Variants in BSN observed in about 807,000 individuals in gnomAD.
BSN encodes protein bassoon.
BSN carries 57 observed loss-of-function variants against 264.8 expected under a neutral mutation model. That is an observed-to-expected ratio of 0.22 (90% CI 0.17 to 0.27). The LOEUF is 0.27. Among genes scored for constraint, BSN ranks in the 10% least tolerant of loss-of-function variants. BSN has a pLI of 1.00. For synonymous variants in BSN, 2,059 were observed against 2,137.3 expected, an observed-to-expected ratio of 0.96 and a Z score of 1.01; for missense variants, 4,615 against 5,232.5, an observed-to-expected ratio of 0.88 and a Z score of 3.64.
At chr3:49,597,222 T>G (rs140546111) in intron 1 of BSN, among the ~76,000 whole-genome samples, 3 of 152,324 alleles carry the variant, frequency 2.0e-5, no homozygotes, top group African/African-American at 7.2e-5. Context: ...CTCTCTGTTC[T>G]TCAGATTGCC....
chr3:49,660,511 T>G lies in BSN; in HGVS notation c.8666T>G (p.Leu2889Arg). ...GTGTCGGCGTTGCCACCCAACAGCC[T>G]GGTCCGCAAGGTGAAGCGGACACTG... is the stretch of plus-strand genomic sequence containing the variant. ...SQVSALPPNS[L>R]VRKVKRTLPS... Residue 2889 changes from leucine (L) to arginine (R), a missense_variant, in exon 6 of 12, where the codon CTG becomes CGG. Physicochemically the swap from Leu to Arg is moderately radical, Grantham distance 102. Coordinates refer to ENST00000296452, the MANE Select transcript of BSN (RefSeq NM_003458.4). This position sits in a 1 kb window ranked among gnomAD's most constrained non-coding sequence, Gnocchi z 7.1. 5 of 1,539,034 alleles carry G rather than the reference T, an allele frequency of 3.2e-6. No individual in the cohort carries two copies. The highest frequency in any genetic ancestry group is 2.6e-6 in the Non-Finnish European group (3 of 1,142,974).
chr3:49,612,437 A>G (rs563630255), intron 1 of BSN, among the ~76,000 whole-genome samples: 1 of 152,320 alleles, frequency 6.6e-6, no homozygotes, highest in Admixed American at 6.5e-5. Flanking sequence ...GCCTGGCCAA[A>G]TAATGATTTT....
In BSN at chr3:49,651,153, T is replaced by C; in HGVS notation, c.1986+74T>C. The stretch of plus-strand genomic sequence containing the variant: ...CTATGGAAAGGCTTGCCTCCCTGGG[T>C]GGCTGAGGCTGTAGGCTCAGGACAG... On this transcript the variant is annotated intron_variant, in intron 4 of 11. Coordinates refer to ENST00000296452, the MANE Select transcript of BSN (RefSeq NM_003458.4). The surrounding 1 kb of genome is among the most constrained non-coding windows in gnomAD (Gnocchi z 5.4). 3 of 1,439,698 alleles carry C rather than the reference T, an allele frequency of 2.1e-6. No individual in the cohort carries two copies. In the South Asian group the frequency reaches 3.9e-5, roughly 19 times the overall value. 89.2% of individuals were successfully genotyped at this position (1,439,698 alleles called of 1,614,324 possible). A position where few individuals can be genotyped will look rare whatever the true frequency, so the allele number is the denominator to read the frequency against.
At chr3:49,612,387 G>A (rs1016273190) in intron 1 of BSN, among the ~76,000 whole-genome samples, 7 of 152,052 alleles carry the variant, frequency 4.6e-5, no homozygotes, top group South Asian at 2.1e-4. Flanking sequence ...TGCCTGCCTC[G>A]GCCTCCCAAA....
At chr3:49,590,878 G>C (rs895188949) in intron 1 of BSN, among the ~76,000 whole-genome samples, 1 of 151,964 alleles carries the variant, frequency 6.6e-6, no homozygotes, top group Non-Finnish European at 1.5e-5. Flanking sequence ...GGCCGAGGTG[G>C]GTGGGTCACT....
chr3:49,637,869 G>T (rs1442295381), intron 2 of BSN, among the ~76,000 whole-genome samples: 1 of 152,232 alleles, frequency 6.6e-6, no homozygotes, highest in Non-Finnish European at 1.5e-5. Flanking sequence ...CTGGGTCGGG[G>T]TGCACGGGCT....
rs2052642677 is a variant in BSN at position 49,660,273 on chromosome 3, G to A, written c.8641-213G>A. On this transcript the variant is annotated intron_variant, in intron 5 of 11. Coordinates refer to ENST00000296452, the MANE Select transcript of BSN (RefSeq NM_003458.4). This position sits in a 1 kb window ranked among gnomAD's most constrained non-coding sequence, Gnocchi z 7.1. The stretch of plus-strand genomic sequence containing the variant: ...TTCCCAAAGCTCTGGGAAAGAGAAG[G>A]GCTGTAAAATAATCACAGATCTTCC... Among the ~76,000 whole-genome samples, 1 of 152,064 alleles carries A rather than the reference G, an allele frequency of 6.6e-6. No homozygotes were observed. Among genetic ancestry groups the A allele is most frequent in the Non-Finnish European group, 1.5e-5 (1 of 68,002 alleles).
At chr3:49,597,852 C>T (rs2052038180) in intron 1 of BSN, among the ~76,000 whole-genome samples, 1 of 151,884 alleles carries the variant, frequency 6.6e-6, no homozygotes, top group Non-Finnish European at 1.5e-5. Flanking sequence ...ACTCTGTTAG[C>T]CAGGATGGTC....
rs2052746273 is a variant in BSN at position 49,670,343 on chromosome 3, A to T, written c.*2858A>T. On this transcript the variant is annotated 3_prime_UTR_variant, in exon 12 of 12. Transcript: ENST00000296452. ...AGGGAACAGGCAGGGAAATGTTAGGAGGTCAGCCTCCAGCAGGCCTAGTCT... is the reference window on the plus strand; with the variant it reads ...AGGGAACAGGCAGGGAAATGTTAGGTGGTCAGCCTCCAGCAGGCCTAGTCT... 1 of 150,430 alleles carries T rather than the reference A, an allele frequency of 6.6e-6. No individual in the cohort carries two copies. The highest frequency in any genetic ancestry group is 2.5e-5 in the African/African-American group (1 of 39,730). The allele number at this position is 150,430 out of a possible 1,614,324, so 9.3% of individuals were successfully genotyped here.
Position 49,658,001 on chromosome 3 carries a change from G to A in BSN, c.8445G>A (p.Glu2815=), listed in dbSNP as rs1265146206. 1 of 1,613,144 alleles carries A rather than the reference G, an allele frequency of 6.2e-7. No homozygotes were observed. The highest frequency in any genetic ancestry group is 2.2e-5 in the East Asian group (1 of 44,872). ...RLLDTSFASS[E]RLNKAHVSPQ... ...TGGACACCTCCTTTGCTTCCAGTGA[G>A]AGGCTGAACAAAGCTCACGTGAGTC... Residue 2815 remains glutamate, a synonymous_variant, in exon 5 of 12, where the codon GAG becomes GAA. Coordinates refer to ENST00000296452, the MANE Select transcript of BSN (RefSeq NM_003458.4).
Position 49,554,769 on chromosome 3 carries a change from C to A in BSN, c.167C>A (p.Ala56Glu), listed in dbSNP as rs1357626965. ...GCGGCGGGAGCAGCGCGGTCGACCG[C>A]GGTACCACCGGTCCCTGGCCCCGGC... ...LPAAGAARST[A>E]VPPVPGPGPG... The change falls in exon 1 of 12, where the codon GCG becomes GAG. Residue 56 changes from alanine (A) to glutamate (E), a missense_variant. Ala to Glu is a moderately radical substitution (Grantham distance 107). Coordinates refer to ENST00000296452, the MANE Select transcript of BSN (RefSeq NM_003458.4). 3 of 1,228,750 alleles carry A rather than the reference C, an allele frequency of 2.4e-6. No homozygotes were observed. Among genetic ancestry groups the A allele is most frequent in the Non-Finnish European group, 2.0e-6 (2 of 985,732 alleles). The allele number at this position is 1,228,750 out of a possible 1,614,324, so 76.1% of individuals were successfully genotyped here.
intron 1 of BSN, among the ~76,000 whole-genome samples, chr3:49,580,040 A>T (rs981879397): frequency 3.3e-5 from 5 of 152,212 alleles, no homozygotes; most frequent in Admixed American, 2.6e-4. Context: ...GTAACAAGAT[A>T]TATTGGTCTA....
chr3:49,554,923 C>G, intron 1 of BSN, 97 bp downstream of exon 1: 1 of 724,850 alleles, frequency 1.4e-6, no homozygotes, highest in Non-Finnish European at 1.8e-6. Context: ...CAGCGAGGTT[C>G]GACGTCCGGC....
At chr3:49,598,339 C>CTCTA (rs1257885999) in intron 1 of BSN, among the ~76,000 whole-genome samples, 1 of 152,214 alleles carries the variant, frequency 6.6e-6, no homozygotes, top group Non-Finnish European at 1.5e-5. Flanking sequence ...ACTAAACTGA[C>CTCTA]TCTAGCTAAA....
In BSN at chr3:49,653,233, C is replaced by T; in HGVS notation, c.3677C>T (p.Ser1226Phe). ...CCCACAGGCCCCCGGGGCCTGGGCT[C>T]CTTCGAATATCAAGACACTACAGAC... is the stretch of plus-strand genomic sequence containing the variant. ...SQPTGPRGLG[S>F]FEYQDTTDRE... Residue 1226 changes from serine (S) to phenylalanine (F), a missense_variant, in exon 5 of 12, where the codon TCC becomes TTC. Transcript: ENST00000296452. The surrounding 1 kb of genome is among the most constrained non-coding windows in gnomAD (Gnocchi z 6.3). The T allele has an allele frequency of 6.2e-7, 1 of 1,612,420 alleles. No homozygotes were observed. The highest frequency in any genetic ancestry group is 8.5e-7 in the Non-Finnish European group (1 of 1,179,844).
intron 1 of BSN, among the ~76,000 whole-genome samples, chr3:49,592,223 C>T (rs537999727): frequency 5.3e-5 from 8 of 151,614 alleles, no homozygotes; most frequent in Admixed American, 5.2e-4. Flanking sequence ...GATTCTCCTG[C>T]CTCAGCCTCC....
chr3:49,632,436 G>A (rs926848205), intron 2 of BSN, among the ~76,000 whole-genome samples: 6 of 152,066 alleles, frequency 3.9e-5, no homozygotes, highest in Non-Finnish European at 7.4e-5. Flanking sequence ...ATTTGATAAG[G>A]GATTGATATC....
chr3:49,563,475 G>T (rs936081923), intron 1 of BSN, among the ~76,000 whole-genome samples: 1 of 152,242 alleles, frequency 6.6e-6, no homozygotes, highest in African/African-American at 2.4e-5. Flanking sequence ...TTTGTGATGG[G>T]GAAGGGTGGG....
At chr3:49,574,996 G>T (rs2051831660) in intron 1 of BSN, among the ~76,000 whole-genome samples, 1 of 151,894 alleles carries the variant, frequency 6.6e-6, no homozygotes, top group African/African-American at 2.4e-5. Flanking sequence ...TTTGAGTTTT[G>T]ACTATGTTGA....
Sources: gnomAD v4.1 joint callset for allele counts (sites outside exome capture counted in the v4.1 genomes callset) on GRCh38, gnomAD v4.1.1 for gene constraint, Gnocchi (gnomAD v3.1) non-coding constraint, MANE v1.5 for transcripts, NCBI Gene and HGNC (gene_info 2026-07-23, HGNC 2026-07-21) for gene names.